TASOR: variants seen among roughly 807,000 people sequenced by gnomAD.
TASOR encodes the protein transcription activation suppressor.
A neutral mutation model predicts 178.6 loss-of-function variants in TASOR; 53 were observed. That is an observed-to-expected ratio of 0.30 (90% CI 0.24 to 0.37). The LOEUF (loss-of-function observed/expected upper bound fraction) is 0.37, where lower values mean the gene tolerates loss of function less well. Ranked by LOEUF, TASOR falls within the 10% of genes least tolerant of loss-of-function variation. The probability of loss-of-function intolerance (pLI) is 1.00; values close to 1 mark genes in which losing one functional copy is unlikely to be tolerated. For synonymous variants in TASOR, 713 were observed against 696.2 expected, an observed-to-expected ratio of 1.02 and a Z score of -0.38; for missense variants, 1,815 against 1,971.4, an observed-to-expected ratio of 0.92 and a Z score of 1.50.
At chr3:56,645,704 A>C (rs1458699464) in intron 14 of TASOR, among the ~76,000 whole-genome samples, 3 of 152,372 alleles carry the variant, frequency 2.0e-5, no homozygotes, top group Admixed American at 2.0e-4. Context: ...GAACAACAAA[A>C]AAAGAAAAAC....
intron 6 of TASOR, 123 bp downstream of exon 6, chr3:56,668,274 G>T (rs1358233477): frequency 1.4e-5 from 12 of 850,304 alleles, no homozygotes; most frequent in Non-Finnish European, 1.8e-5. Flanking sequence ...GTCTGGAAGT[G>T]ATATGCAGAC....
chr3:56,633,009 T>C (rs752667937), intron 18 of TASOR, 35 bp downstream of exon 18: 14 of 1,460,542 alleles, frequency 9.6e-6, no homozygotes, highest in Non-Finnish European at 1.3e-5. Flanking sequence ...AAGAGAAGTT[T>C]GTACAGCATT....
chr3:56,624,541 T>A lies in TASOR; in HGVS notation c.4421A>T (p.Asn1474Ile). 6.2e-7 allele frequency: 1 copy of A among 1,614,176 alleles called. No individual in the cohort carries two copies. Among genetic ancestry groups the A allele is most frequent in the Non-Finnish European group, 8.5e-7 (1 of 1,180,008 alleles). ...QNFKNLVGYH[N>I]SITEENLPQL... ...TGGAAGGTTTTCTTCTGTGATTGAA[T>A]TGTGATAGCCCACAAGATTTTTAAA... is the stretch of plus-strand genomic sequence containing the variant. The change falls in exon 23 of 24, where the codon AAT becomes ATT. Residue 1474 changes from asparagine (N) to isoleucine (I), a missense_variant. By Grantham distance (149) the Asn-to-Ile change is moderately radical. This residue lies in a region of TASOR where 278 missense variants were observed against 257.1 expected (regional missense o/e 1.08). Transcript: ENST00000683822.
In TASOR at chr3:56,641,721, A is replaced by G. The variant is rs1318866820; in HGVS notation, c.2247T>C (p.His749=). 54 of 1,614,024 alleles carry G rather than the reference A, an allele frequency of 3.3e-5. No individual in the cohort carries two copies. Among genetic ancestry groups the G allele is most frequent in the Non-Finnish European group, 4.2e-5 (50 of 1,179,986 alleles). The change falls in exon 15 of 24, where the codon CAT becomes CAC. Residue 749 remains histidine, a synonymous_variant. Coordinates refer to ENST00000683822, the MANE Select transcript of TASOR (RefSeq NM_001365635.2). The part of the protein sequence containing the change: ...ESPQPIGSLG[H]DADLRRQQQD... ...GCTGCTGCCGCCTCAAGTCAGCATCATGTCCAAGTGAGCCAATAGGCTGTG... is the reference window on the plus strand; with the variant it reads ...GCTGCTGCCGCCTCAAGTCAGCATCGTGTCCAAGTGAGCCAATAGGCTGTG...
intron 1 of TASOR, among the ~76,000 whole-genome samples, chr3:56,675,612 A>G (rs1425003080): frequency 3.3e-5 from 5 of 152,212 alleles, no homozygotes; most frequent in Non-Finnish European, 7.3e-5. Flanking sequence ...ATACATATAT[A>G]TATTTCCCCA....
chr3:56,648,061 C>T (rs1257751201), intron 13 of TASOR, among the ~76,000 whole-genome samples: 1 of 151,982 alleles, frequency 6.6e-6, no homozygotes, highest in Non-Finnish European at 1.5e-5. Flanking sequence ...TTAAACTTAG[C>T]TAGCTGTGCT....
rs997092915 is a variant in TASOR at position 56,682,861 on chromosome 3, G to T, written c.146C>A (p.Ala49Asp). Residue 49 changes from alanine (A) to aspartate (D), a missense_variant, in exon 1 of 24, where the codon GCT (alanine) becomes GAT (aspartate). Coordinates refer to ENST00000683822, the MANE Select transcript of TASOR (RefSeq NM_001365635.2). ...QNGGGGGLNIAEPSGGAGREE... is the reference protein window; with the variant it reads ...QNGGGGGLNIDEPSGGAGREE... Reference sequence around the variant, plus strand: ...ACGCCCAGCGCCGCCGCTGGGCTCAGCGATGTTGAGGCCGCCGCCGCCGCC... The same window carrying T: ...ACGCCCAGCGCCGCCGCTGGGCTCATCGATGTTGAGGCCGCCGCCGCCGCC... 1 of 1,549,954 alleles carries T rather than the reference G, an allele frequency of 6.5e-7. No homozygotes were observed.
chr3:56,666,497 AT>A, intron 6 of TASOR, 113 bp from the exon 7 acceptor site: 1 of 741,912 alleles, frequency 1.3e-6, no homozygotes, highest in East Asian at 3.1e-5. Context: ...CTGACAAAAA[AT>A]GTCTTTAAGC....
At chr3:56,626,133 G>A (rs923680858) in intron 21 of TASOR, among the ~76,000 whole-genome samples, 1 of 152,112 alleles carries the variant, frequency 6.6e-6, no homozygotes, top group African/African-American at 2.4e-5. Flanking sequence ...TTTAACTAGA[G>A]TTCTTCATAT....
rs142736671 is a variant in TASOR at position 56,647,915 on chromosome 3, C to T, written c.1514-692G>A. On this transcript the variant is annotated intron_variant, in intron 13 of 23. Coordinates refer to ENST00000683822, the MANE Select transcript of TASOR (RefSeq NM_001365635.2). ...AAAAAATAATCATACAAAACCCTCA[C>T]AGACCGGGAATAGTGGCTCATGCCT... Among the ~76,000 whole-genome samples, 836 of 152,296 alleles carry T rather than the reference C, an allele frequency of 5.5e-3. 7 individuals carry two copies. The highest frequency in any genetic ancestry group is 0.019 in the African/African-American group (807 of 41,550).
chr3:56,648,575 G>A (rs1336075544), intron 13 of TASOR, among the ~76,000 whole-genome samples: 7 of 143,788 alleles, frequency 4.9e-5, no homozygotes, highest in Non-Finnish European at 1.1e-4. Flanking sequence ...AGGTCGCAGT[G>A]AGCTGAGATC....
At position 56,633,730 on chromosome 3, in the gene TASOR, C is replaced by T. The variant is rs1559819964; in HGVS notation, c.3061G>A (p.Val1021Met). ...GAAAAGAGATTGTACTCTCCTAACACTGTCCTCTCTGTGGTTTCGCTCACT... is the reference window on the plus strand; with the variant it reads ...GAAAAGAGATTGTACTCTCCTAACATTGTCCTCTCTGTGGTTTCGCTCACT... Reference protein sequence around the residue: ...PAVSETTERTVLGEYNLFSRK... With the variant: ...PAVSETTERTMLGEYNLFSRK... Residue 1021 changes from valine to methionine, a missense_variant, in exon 18 of 24, where the codon GTG (valine) becomes ATG (methionine). Transcript: ENST00000683822. 2 of 1,614,174 alleles carry T rather than the reference C, an allele frequency of 1.2e-6. No homozygotes were observed. The highest frequency in any genetic ancestry group is 1.1e-5 in the South Asian group (1 of 91,080).
rs1021442918 is a variant in TASOR at position 56,622,975 on chromosome 3, T to C, written c.*62A>G. On this transcript the variant is annotated 3_prime_UTR_variant, in exon 24 of 24. Transcript: ENST00000683822. Reference sequence around the variant, plus strand: ...GAACAAGAACCTTTTGTTTAGAGAATGAAATATAAATTGTTAATAAACAAA... The same window carrying C: ...GAACAAGAACCTTTTGTTTAGAGAACGAAATATAAATTGTTAATAAACAAA... 6.3e-6 allele frequency: 7 copies of C among 1,119,230 alleles called. No homozygotes were observed. The African/African-American group carries it at 1.1e-4, about 18-fold the overall frequency. 69.3% of individuals were successfully genotyped at this position (1,119,230 alleles called of 1,614,324 possible). A position where few individuals can be genotyped will look rare whatever the true frequency, so the allele number is the denominator to read the frequency against.
chr3:56,624,843 T>A lies in TASOR; in HGVS notation c.4303A>T (p.Ile1435Leu). ...CTCTCTTTACCTGTTAAAAAGACTA[T>A]GTGTCGTTGCTGTATGTTCTGAGCC... ...LQAQNIQQRH[I>L]VFLTEKNIKM... Residue 1435 changes from isoleucine to leucine, a missense_variant, in exon 22 of 24, where the codon ATA becomes TTA. By Grantham distance (5) the Ile-to-Leu change is conservative (BLOSUM62 2). This residue lies in a region of TASOR where 134 missense variants were observed against 195.2 expected (regional missense o/e 0.69). Transcript: ENST00000683822. 1 of 1,613,886 alleles carries A rather than the reference T, an allele frequency of 6.2e-7. No homozygotes were observed. The highest frequency in any genetic ancestry group is 8.5e-7 in the Non-Finnish European group (1 of 1,179,970).
At chr3:56,666,109 G>C (rs1440937898) in intron 7 of TASOR, 151 bp downstream of exon 7, 12 of 482,138 alleles carry the variant, frequency 2.5e-5, no homozygotes, top group Admixed American at 8.7e-5. Context: ...CCATTTAAAA[G>C]TCATTGTAAA....
intron 23 of TASOR, chr3:56,623,879 A>G (rs2076741970): frequency 5.3e-6 from 8 of 1,515,918 alleles, no homozygotes; most frequent in Middle Eastern, 1.7e-4. Context: ...TTGACAAGAC[A>G]AATATAAAAT....
rs771398828 is a variant in TASOR at position 56,647,141 on chromosome 3, T to C, written c.1596A>G (p.Gln532=). The C allele has an allele frequency of 3.5e-5, 56 of 1,603,360 alleles. 1 individual carries two copies. Among genetic ancestry groups the C allele is most frequent in the Admixed American group, 1.8e-4 (10 of 56,594 alleles). The part of the protein sequence containing the change: ...PDVLKIAQFL[Q]FSLIQCRKEF... ...CCTTTCGACACTGAATCAAAGAAAA[T>C]TGTAAAAACTGAGCTATTTTTAATA... Residue 532 remains glutamine, a synonymous_variant, in exon 14 of 24, where the codon CAA becomes CAG. Coordinates refer to ENST00000683822, the MANE Select transcript of TASOR (RefSeq NM_001365635.2).
rs1391645375 is a variant in TASOR at position 56,647,014 on chromosome 3, T to A, written c.1723A>T (p.Met575Leu). 2 of 1,602,868 alleles carry A rather than the reference T, an allele frequency of 1.2e-6. No individual in the cohort carries two copies. The highest frequency in any genetic ancestry group is 2.7e-5 in the African/African-American group (2 of 74,058). ...TCTAATCGTGAATCATATGGAAACATAATAAACTCTCGTTTACCTGAACCA... is the reference window on the plus strand; with the variant it reads ...TCTAATCGTGAATCATATGGAAACAAAATAAACTCTCGTTTACCTGAACCA... ...GFGSGKREFI[M>L]FPYDSRLDDK... The change falls in exon 14 of 24, where the codon ATG becomes TTG. Residue 575 changes from methionine (M) to leucine (L), a missense_variant. Physicochemically the swap from Met to Leu is conservative, Grantham distance 15. Coordinates refer to ENST00000683822, the MANE Select transcript of TASOR (RefSeq NM_001365635.2).
At chr3:56,654,255 G>A (rs554589493) in intron 11 of TASOR, among the ~76,000 whole-genome samples, 69 of 151,526 alleles carry the variant, frequency 4.6e-4, no homozygotes, top group African/African-American at 1.6e-3. Context: ...AGACAAGAGC[G>A]AAACTCTGTC....
Sources: allele counts gnomAD v4.1 joint callset (sites outside exome capture counted in the v4.1 genomes callset), GRCh38; gene constraint gnomAD v4.1.1; regional missense constraint gnomAD v4.1.1; transcripts MANE v1.5; gene names NCBI Gene and HGNC (gene_info 2026-07-23, HGNC 2026-07-21).